The following WDR86 variants were observed in gnomAD, a reference collection of about 807,000 sequenced individuals.
WDR86 encodes WD repeat-containing protein 86.
A neutral mutation model predicts 36.5 loss-of-function variants in WDR86; 30 were observed. That is an observed-to-expected ratio of 0.82 (90% CI 0.61 to 1.11). The LOEUF is 1.11. Among genes scored for constraint, WDR86 ranks in the 50% most tolerant of loss-of-function variants. WDR86 has a pLI of 0.00. For missense variants in WDR86, 545 were observed against 561.2 expected (o/e 0.97, Z 0.29); for synonymous variants, 255 against 252.9 (o/e 1.01, Z -0.08).
At chr7:151,386,525 G>C (rs1443745859) in intron 3 of WDR86, among the ~76,000 whole-genome samples, 3 of 152,152 alleles carry the variant, frequency 2.0e-5, no homozygotes, top group Non-Finnish European at 4.4e-5. Flanking sequence ...CTCCCTAACT[G>C]GATGGTCCCC....
chr7:151,379,596 G>T (rs982330090), downstream of WDR86, among the ~76,000 whole-genome samples: 6 of 152,174 alleles, frequency 3.9e-5, no homozygotes, highest in African/African-American at 1.4e-4. Flanking sequence ...GAGCGAAAAT[G>T]GACATCTGGC....
rs1251059528 is a variant in WDR86, at chr7:151,400,153, C to G, written c.252G>C (p.Val84=). The G allele has an allele frequency of 2.5e-6, 4 of 1,612,312 alleles. No homozygotes were observed. The highest frequency in any genetic ancestry group is 3.4e-6 in the Non-Finnish European group (4 of 1,179,236). ...SADCTIRRWD[V]LTGQCLQVYR... is the part of the protein sequence containing the mutation. ...ACACCTGCAGACACTGCCCGGTCAG[C>G]ACGTCCCACCTCCTGATGGTGCAGT... Residue 84 remains valine, a synonymous_variant, in exon 2 of 6, where the codon GTG becomes GTC. Transcript: ENST00000334493.
chr7:151,410,097 T>A, upstream of WDR86: 1 of 984,744 alleles, frequency 1.0e-6, no homozygotes, highest in Non-Finnish European at 1.2e-6. Context: ...CTTCTCGGGC[T>A]GCGCCCCAGC....
intron 1 of WDR86, among the ~76,000 whole-genome samples, chr7:151,407,525 C>G (rs1800798598): frequency 6.6e-6 from 1 of 152,188 alleles, no homozygotes; most frequent in African/African-American, 2.4e-5. Flanking sequence ...GCATAAGACC[C>G]ACCCAAAAGC....
At chr7:151,386,161 C>T (rs538848029) in intron 3 of WDR86, among the ~76,000 whole-genome samples, 231 of 152,250 alleles carry the variant, frequency 1.5e-3, no homozygotes, top group Non-Finnish European at 2.6e-3. Flanking sequence ...AGGCAGTGGG[C>T]CCACCGGCAG....
downstream of WDR86, chr7:151,377,657 G>A (rs77300744): frequency 0.012 from 1,766 of 153,064 alleles, 14 homozygotes; most frequent in Non-Finnish European, 0.018. Context: ...TGCTTCCCAC[G>A]CTGCCATCTC....
intron 2 of WDR86, among the ~76,000 whole-genome samples, chr7:151,396,653 C>T (rs911220994): frequency 2.0e-5 from 3 of 149,342 alleles, no homozygotes; most frequent in Admixed American, 1.3e-4. Flanking sequence ...GAGTGGGACA[C>T]GCTGGTCACC....
At chr7:151,394,049 G>A (rs905805070) in intron 3 of WDR86, among the ~76,000 whole-genome samples, 2 of 152,184 alleles carry the variant, frequency 1.3e-5, no homozygotes, top group Non-Finnish European at 1.5e-5. Context: ...ATCACCAGAG[G>A]TGGAGCTGAG....
chr7:151,404,367 GT>G (rs1267519963), intron 1 of WDR86, among the ~76,000 whole-genome samples: 1 of 152,176 alleles, frequency 6.6e-6, no homozygotes, highest in African/African-American at 2.4e-5. Flanking sequence ...CTTCCCCTGG[GT>G]TTCTAAGCAC....
At chr7:151,393,762 C>A (rs1387366657) in intron 3 of WDR86, among the ~76,000 whole-genome samples, 1 of 152,120 alleles carries the variant, frequency 6.6e-6, no homozygotes, top group Non-Finnish European at 1.5e-5. Flanking sequence ...GCCTCGGATG[C>A]CCCCAGCTCT....
chr7:151,410,328 T>G (rs1249121213), upstream of WDR86, among the ~76,000 whole-genome samples: 1 of 151,920 alleles, frequency 6.6e-6, no homozygotes, highest in Non-Finnish European at 1.5e-5. Flanking sequence ...GGGAACTCAT[T>G]TGGGGCGCAG....
Position 151,401,741 on chromosome 7 carries a change from C to A in WDR86, c.164-1500G>T, listed in dbSNP as rs1295391655. 6.6e-6 allele frequency among the ~76,000 whole-genome samples: 1 copy of A among 151,720 alleles called. No individual in the cohort carries two copies. Among genetic ancestry groups the A allele is most frequent in the Non-Finnish European group, 1.5e-5 (1 of 67,926 alleles). On this transcript the variant is annotated intron_variant, in intron 1 of 5. Transcript: ENST00000334493. The surrounding 1 kb of genome is among the most constrained non-coding windows in gnomAD (Gnocchi z 4.3). ...ACTGGGGAGATTATCCTAGATTATC[C>A]GGGGGGTCCTAAATACAACCGCAAG... is the stretch of plus-strand genomic sequence containing the variant.
downstream of WDR86, among the ~76,000 whole-genome samples, chr7:151,380,396 C>T (rs997016913): frequency 6.6e-6 from 1 of 151,876 alleles, no homozygotes; most frequent in Non-Finnish European, 1.5e-5. Context: ...GCTGCTCTAC[C>T]TGAAAGGGCT....
At chr7:151,398,379 T>C (rs1346547699) in intron 2 of WDR86, among the ~76,000 whole-genome samples, 1 of 151,982 alleles carries the variant, frequency 6.6e-6, no homozygotes, top group Non-Finnish European at 1.5e-5. Flanking sequence ...CACATGTGTA[T>C]GTGTAAGTTG....
chr7:151,403,125 G>A (rs933667291), intron 1 of WDR86, among the ~76,000 whole-genome samples: 1 of 152,214 alleles, frequency 6.6e-6, no homozygotes, highest in Admixed American at 6.5e-5. Context: ...TCACTTGTGT[G>A]GATTCAGTGT....
chr7:151,395,706 G>A, intron 3 of WDR86, 70 bp downstream of exon 3: 2 of 1,463,862 alleles, frequency 1.4e-6, no homozygotes, highest in South Asian at 1.4e-5. Flanking sequence ...CAGATACCCA[G>A]GGCAGGGCGG....
chr7:151,377,400 C>T (rs74644100), downstream of WDR86: 3,252 of 469,196 alleles, frequency 6.9e-3, 107 homozygotes, highest in African/African-American at 0.06. Context: ...TGCGTGGTCT[C>T]GGGGAAGAAG....
At chr7:151,402,070 A>AAAAAAAAAAAAAAAATATATATAT in intron 1 of WDR86, among the ~76,000 whole-genome samples, 1 of 50,556 alleles carries the variant, frequency 2.0e-5, no homozygotes, top group African/African-American at 1.2e-4. Flanking sequence ...AAAAAAAAAA[A>AAAAAAAAAAAAAAAATATATATAT]ATATATATAT....
chr7:151,368,990 G>T, the WDR86 span: 5 of 1,240,430 alleles, frequency 4.0e-6, no homozygotes, highest in Non-Finnish European at 3.2e-6. Context: ...ACTCCAGATT[G>T]GGAAGGAAGG....
Sources: gnomAD v4.1 joint callset for allele counts (sites outside exome capture counted in the v4.1 genomes callset) on GRCh38, gnomAD v4.1.1 for gene constraint, Gnocchi (gnomAD v3.1) non-coding constraint, MANE v1.5 for transcripts, NCBI Gene and HGNC (gene_info 2026-07-23, HGNC 2026-07-21) for gene names.